CACNA1B: variants seen among roughly 807,000 people sequenced by gnomAD.
CACNA1B encodes the protein calcium voltage-gated channel subunit alpha1 B.
A neutral mutation model predicts 247.2 loss-of-function variants in CACNA1B; 70 were observed. The ratio of observed to expected loss-of-function variants is 0.28; its 90% CI spans 0.23 to 0.35. The LOEUF (loss-of-function observed/expected upper bound fraction) is 0.35. Ranked by LOEUF, CACNA1B falls within the 10% of genes least tolerant of loss-of-function variation. The probability of loss-of-function intolerance (pLI) is 1.00; values close to 1 mark genes in which losing one functional copy is unlikely to be tolerated. For synonymous variants in CACNA1B, 1,231 were observed against 1,294.4 expected (o/e 0.95, Z 1.05); for missense variants, 2,367 against 3,197.4 (o/e 0.74, Z 6.26).
Position 138,009,539 on chromosome 9 carries a change from C to T in CACNA1B, c.2093-471C>T, listed in dbSNP as rs550221920. Among the ~76,000 whole-genome samples, 426 of 152,248 alleles carry T rather than the reference C, an allele frequency of 2.8e-3. 1 individual carries two copies. The highest frequency in any genetic ancestry group is 4.3e-3 in the Non-Finnish European group (291 of 68,030). ...CTGAGGTGGTCTCTGCTCACAGGAC[C>T]CAGAAGGCAGTGGAGCCCCACCTGG... is the stretch of plus-strand genomic sequence containing the variant. On this transcript the variant is annotated intron_variant, in intron 16 of 46. Coordinates refer to ENST00000371372, the MANE Select transcript of CACNA1B (RefSeq NM_000718.4).
At chr9:138,006,407 C>G (rs1248694899) in intron 15 of CACNA1B, among the ~76,000 whole-genome samples, 1 of 152,220 alleles carries the variant, frequency 6.6e-6, no homozygotes, top group Admixed American at 6.5e-5. Context: ...GCTTCCTTGA[C>G]TGCAGTGACG....
In CACNA1B at chr9:138,115,603, C is replaced by G; in HGVS notation, c.5701C>G (p.Gln1901Glu). 1 of 1,613,798 alleles carries G rather than the reference C, an allele frequency of 6.2e-7. No individual in the cohort carries two copies. The highest frequency in any genetic ancestry group is 1.1e-5 in the South Asian group (1 of 91,056). Residue 1901 changes from glutamine (Q) to glutamate (E), a missense_variant, in exon 42 of 47, where the codon CAG (glutamine) becomes GAG (glutamate). Gln to Glu is a conservative substitution (Grantham distance 29). This residue lies in a region of CACNA1B where 773 missense variants were observed against 779.4 expected (regional missense o/e 0.99). Transcript: ENST00000371372. ...HPLKATLEQTQPAVLRGARVF... is the reference protein window; with the variant it reads ...HPLKATLEQTEPAVLRGARVF... Reference sequence around the variant, plus strand: ...TCTGAAGGCCACCCTGGAGCAGACACAGCCGGCTGTGCTCCGAGGAGCCCG... The same window carrying G: ...TCTGAAGGCCACCCTGGAGCAGACAGAGCCGGCTGTGCTCCGAGGAGCCCG...
intron 38 of CACNA1B, among the ~76,000 whole-genome samples, chr9:138,104,959 C>T (rs1961373018): frequency 6.6e-6 from 1 of 152,262 alleles, no homozygotes; most frequent in Admixed American, 6.5e-5. Flanking sequence ...AAACTGGCAA[C>T]AGGCTGTCCA....
chr9:138,090,418 G>T (rs1960836768), intron 36 of CACNA1B, among the ~76,000 whole-genome samples: 1 of 151,922 alleles, frequency 6.6e-6, no homozygotes. Flanking sequence ...ATGGATCAAA[G>T]ACTTAAATGT....
At position 138,007,148 on chromosome 9, in the gene CACNA1B, G is replaced by T. The variant is rs1958663119; in HGVS notation, c.2092+264G>T. On this transcript the variant is annotated intron_variant, in intron 16 of 46. Transcript: ENST00000371372. This position sits in a 1 kb window ranked among gnomAD's most constrained non-coding sequence, Gnocchi z 4.1. Reference sequence around the variant, plus strand: ...TGGGTGCGGCCAGCAGCAGGCCCAGGACAGACTCTGAGCAGCAGTCGGGGA... The same window carrying T: ...TGGGTGCGGCCAGCAGCAGGCCCAGTACAGACTCTGAGCAGCAGTCGGGGA... 6.6e-6 allele frequency among the ~76,000 whole-genome samples: 1 copy of T among 152,192 alleles called. No individual in the cohort carries two copies. The highest frequency in any genetic ancestry group is 2.1e-4 in the South Asian group (1 of 4,830).
rs1427359584 is a variant in CACNA1B at position 137,974,642 on chromosome 9, G to T, written c.1544-1265G>T. On this transcript the variant is annotated intron_variant, in intron 11 of 46. Transcript: ENST00000371372. This position sits in a 1 kb window ranked among gnomAD's most constrained non-coding sequence, Gnocchi z 4.5. ...GTGGAGGAGATTTTAGGAGCATAGG[G>T]GTGGGAAGAGTGTGTGGCCCCCTCT... is the stretch of plus-strand genomic sequence containing the variant. Among the ~76,000 whole-genome samples the T allele has an allele frequency of 1.3e-5, 2 of 152,146 alleles. No individual in the cohort carries two copies. The highest frequency in any genetic ancestry group is 2.9e-5 in the Non-Finnish European group (2 of 68,022).
chr9:138,111,699 AAACCCTCCACTGCCTTCCCT>A (rs1393939396), intron 39 of CACNA1B, among the ~76,000 whole-genome samples: 1 of 152,206 alleles, frequency 6.6e-6, no homozygotes, highest in Non-Finnish European at 1.5e-5. Flanking sequence ...CCTCTGCTCA[AAACCCTCCACTGCCTTCCCT>A]AACCCTCCTG....
chr9:138,065,350 C>T (rs1383233725), intron 31 of CACNA1B, among the ~76,000 whole-genome samples: 3 of 152,154 alleles, frequency 2.0e-5, no homozygotes, highest in South Asian at 4.2e-4. Flanking sequence ...GTCTAGTGGC[C>T]GGCATTGGAA....
At chr9:137,936,137 G>A (rs1027565666) in intron 6 of CACNA1B, among the ~76,000 whole-genome samples, 11 of 152,200 alleles carry the variant, frequency 7.2e-5, no homozygotes, top group African/African-American at 2.2e-4. Context: ...GATTACAGGC[G>A]TGAGCCACTG....
At chr9:138,087,395 A>AG (rs1960728555) in intron 36 of CACNA1B, among the ~76,000 whole-genome samples, 2 of 146,872 alleles carry the variant, frequency 1.4e-5, no homozygotes, top group South Asian at 4.2e-4. Flanking sequence ...AAAAAAAAAA[A>AG]AAAAAAAAGA....
chr9:138,115,427 A>G (rs1961818318), intron 41 of CACNA1B, 125 bp from the exon 42 acceptor site: 11 of 979,418 alleles, frequency 1.1e-5, no homozygotes, highest in Non-Finnish European at 1.7e-5. Flanking sequence ...CTAAGGGGAA[A>G]GAGCCCTTAG....
chr9:138,002,087 G>T (rs562302890), intron 15 of CACNA1B, among the ~76,000 whole-genome samples: 1 of 152,268 alleles, frequency 6.6e-6, no homozygotes, highest in South Asian at 2.1e-4. Context: ...AGACAATTCA[G>T]GAAGAAGAAA....
chr9:138,099,369 A>G (rs1160860646), intron 37 of CACNA1B, among the ~76,000 whole-genome samples: 1 of 151,924 alleles, frequency 6.6e-6, no homozygotes, highest in African/African-American at 2.4e-5. Flanking sequence ...GTGCAAGTGA[A>G]CTGAATGTGC....
rs560768272 is a variant in CACNA1B, at chr9:137,926,005, C to T, written c.966+8574C>T. 8.7e-4 allele frequency among the ~76,000 whole-genome samples: 130 copies of T among 149,846 alleles called. 1 individual carries two copies. Among genetic ancestry groups the T allele is most frequent in the African/African-American group, 2.6e-3 (104 of 40,664 alleles). On this transcript the variant is annotated intron_variant, in intron 6 of 46. Coordinates refer to ENST00000371372, the MANE Select transcript of CACNA1B (RefSeq NM_000718.4). Reference sequence around the variant, plus strand: ...TCCTGACCTCATGATCCGCCCACCTCGGCCTTCCAAATTGCTGGGATTACA... The same window carrying T: ...TCCTGACCTCATGATCCGCCCACCTTGGCCTTCCAAATTGCTGGGATTACA...
At position 138,120,632 on chromosome 9, in the gene CACNA1B, A is replaced by C. The variant is rs1244118931; in HGVS notation, c.6240A>C (p.Ala2080=). The change falls in exon 46 of 47, where the codon GCA becomes GCC. Residue 2080 remains alanine, a splice_region_variant and synonymous_variant. Coordinates refer to ENST00000371372, the MANE Select transcript of CACNA1B (RefSeq NM_000718.4). ...GPSLSADMDG[A]PSSAVGPGLP... ...TAACTTCTTCTCTTCCCTGGCCAGCACCAAGCAGTGCTGTGGGGCCGGGGC... is the reference window on the plus strand; with the variant it reads ...TAACTTCTTCTCTTCCCTGGCCAGCCCCAAGCAGTGCTGTGGGGCCGGGGC... 2 of 1,496,774 alleles carry C rather than the reference A, an allele frequency of 1.3e-6. No individual in the cohort carries two copies. The highest frequency in any genetic ancestry group is 2.8e-5 in the African/African-American group (2 of 70,574). The allele number at this position is 1,496,774 out of a possible 1,614,324, so 92.7% of individuals were successfully genotyped here. A position where few individuals can be genotyped will look rare whatever the true frequency, so the allele number is the denominator to read the frequency against.
rs1026620102 is a variant in CACNA1B, at chr9:138,011,943, TG to T, written c.2161-1184del. 1.3e-5 allele frequency among the ~76,000 whole-genome samples: 2 copies of T among 152,182 alleles called. No homozygotes were observed. The highest frequency in any genetic ancestry group is 2.9e-5 in the Non-Finnish European group (2 of 68,030). ...GCCCCAGCAGTCCAGATGGACAACG[TG>T]GAAGTCGTAGCTTCCATTCTGAGGC... is the stretch of plus-strand genomic sequence containing the variant. On this transcript the variant is annotated intron_variant, in intron 17 of 46. Coordinates refer to ENST00000371372, the MANE Select transcript of CACNA1B (RefSeq NM_000718.4). This position sits in a 1 kb window ranked among gnomAD's most constrained non-coding sequence, Gnocchi z 4.2.
intron 37 of CACNA1B, among the ~76,000 whole-genome samples, chr9:138,099,648 T>G (rs140540362): frequency 6.8e-6 from 1 of 147,582 alleles, no homozygotes; most frequent in African/African-American, 2.5e-5. Context: ...GCCTGTGGTG[T>G]GCATGTGCCT....
At chr9:137,897,032 C>T (rs1407537881) in intron 3 of CACNA1B, among the ~76,000 whole-genome samples, 1 of 152,054 alleles carries the variant, frequency 6.6e-6, no homozygotes, top group African/African-American at 2.4e-5. Context: ...GGGGCTTTTT[C>T]TTTCCGGTCA....
At chr9:137,932,470 T>C (rs887049053) in intron 6 of CACNA1B, among the ~76,000 whole-genome samples, 1 of 152,234 alleles carries the variant, frequency 6.6e-6, no homozygotes, top group Non-Finnish European at 1.5e-5. Flanking sequence ...ACTTGTTTTC[T>C]ATGGTGAACA....
Sources: allele counts gnomAD v4.1 joint callset (sites outside exome capture counted in the v4.1 genomes callset), GRCh38; gene constraint gnomAD v4.1.1; regional missense constraint gnomAD v4.1.1; non-coding constraint Gnocchi (gnomAD v3.1); transcripts MANE v1.5; gene names NCBI Gene and HGNC (gene_info 2026-07-23, HGNC 2026-07-21).